TOP1: variants seen among roughly 807,000 people sequenced by gnomAD.
TOP1 encodes DNA topoisomerase I, also known as DNA topoisomerase 1.
TOP1 carries 10 observed loss-of-function variants against 111.1 expected under a neutral mutation model. That is an observed-to-expected ratio of 0.09 (90% CI 0.06 to 0.15). TOP1 has a LOEUF of 0.15. Among genes scored for constraint, TOP1 ranks in the 10% least tolerant of loss-of-function variants. TOP1 has a pLI of 1.00. For missense variants in TOP1, 474 were observed against 926.7 expected, an observed-to-expected ratio of 0.51 and a Z score of 6.34; for synonymous variants, 271 against 302.9, an observed-to-expected ratio of 0.89 and a Z score of 1.10.
chr20:41,118,055 A>C lies in TOP1; in HGVS notation c.1823-114A>C. ...GGGGGCAATTTGAATTAATCATCTGAGTAAGATAAGAGCCAGCAAAATCAT... is the reference window on the plus strand; with the variant it reads ...GGGGGCAATTTGAATTAATCATCTGCGTAAGATAAGAGCCAGCAAAATCAT... On this transcript the variant is annotated intron_variant, in intron 17 of 20. Transcript: ENST00000361337. This position sits in a 1 kb window ranked among gnomAD's most constrained non-coding sequence, Gnocchi z 4.6. 5.1e-6 allele frequency: 6 copies of C among 1,181,916 alleles called. No individual in the cohort carries two copies. The highest frequency in any genetic ancestry group is 7.0e-6 in the Non-Finnish European group (6 of 855,890). The allele number at this position is 1,181,916 out of a possible 1,614,324, so 73.2% of individuals were successfully genotyped here.
chr20:41,118,304 G>T lies in TOP1; in HGVS notation c.1950+8G>T. ...ATGAACTTGCAAACTAAGGTATCTTGGATAAAATGAAGGGAACTGTGTCTG... is the reference window on the plus strand; with the variant it reads ...ATGAACTTGCAAACTAAGGTATCTTTGATAAAATGAAGGGAACTGTGTCTG... On this transcript the variant is annotated splice_region_variant and intron_variant, in intron 18 of 20. Coordinates refer to ENST00000361337, the MANE Select transcript of TOP1 (RefSeq NM_003286.4). The surrounding 1 kb of genome is among the most constrained non-coding windows in gnomAD (Gnocchi z 4.6). The T allele has an allele frequency of 2.5e-6, 4 of 1,613,842 alleles. No homozygotes were observed. Among genetic ancestry groups the T allele is most frequent in the Non-Finnish European group, 3.4e-6 (4 of 1,179,812 alleles).
intron 13 of TOP1, among the ~76,000 whole-genome samples, chr20:41,108,512 A>AT (rs1235851977): frequency 1.3e-5 from 2 of 152,210 alleles, no homozygotes; most frequent in African/African-American, 4.8e-5. Flanking sequence ...CTCAAAGGTC[A>AT]TTGAAAGGAT....
intron 3 of TOP1, 147 bp from the exon 4 acceptor site, chr20:41,076,024 C>A: frequency 1.4e-6 from 1 of 725,494 alleles, no homozygotes; most frequent in Non-Finnish European, 2.2e-6. Flanking sequence ...TCCGATGTAG[C>A]CAAGACCCTC....
chr20:41,073,508 A>G (rs2033691646), intron 3 of TOP1: 1 of 982,828 alleles, frequency 1.0e-6, no homozygotes, highest in Non-Finnish European at 1.2e-6. Context: ...CTAGGACCTT[A>G]TAGCAAGTCT....
rs2033541386 is a variant in TOP1, at chr20:41,061,290, GC to G, written c.59-102del. ...TGGCATGTGCTATTATGCCTACCAT[GC>G]CATTTGAATCCTGTCATTGTACTTC... On this transcript the variant is annotated intron_variant, in intron 2 of 20. Transcript: ENST00000361337. The surrounding 1 kb of genome is among the most constrained non-coding windows in gnomAD (Gnocchi z 4.6). 4.6e-6 allele frequency: 5 copies of G among 1,090,386 alleles called. No individual in the cohort carries two copies. The highest frequency in any genetic ancestry group is 5.3e-6 in the Non-Finnish European group (4 of 748,056). 67.5% of individuals were successfully genotyped at this position (1,090,386 alleles called of 1,614,324 possible).
In TOP1 at chr20:41,071,537, GT is replaced by G. The variant is rs2033669415; in HGVS notation, c.156-4631del. 6.6e-6 allele frequency among the ~76,000 whole-genome samples: 1 copy of G among 151,976 alleles called. No individual in the cohort carries two copies. Among genetic ancestry groups the G allele is most frequent in the Non-Finnish European group, 1.5e-5 (1 of 67,980 alleles). ...TTTTTGTATTTTTAGTAGAAATGGG[GT>G]TTCACTGTGTTGCCCAGGCTGGTCT... On this transcript the variant is annotated intron_variant, in intron 3 of 20. Transcript: ENST00000361337. This position sits in a 1 kb window ranked among gnomAD's most constrained non-coding sequence, Gnocchi z 4.3.
intron 8 of TOP1, among the ~76,000 whole-genome samples, chr20:41,088,196 C>T (rs1444322458): frequency 1.3e-5 from 2 of 152,126 alleles, no homozygotes; most frequent in Non-Finnish European, 2.9e-5. Context: ...AGTTTGGAGT[C>T]TTGATTTAAA....
chr20:41,036,639 G>A (rs1343682016), intron 2 of TOP1, among the ~76,000 whole-genome samples: 2 of 151,962 alleles, frequency 1.3e-5, no homozygotes, highest in Non-Finnish European at 2.9e-5. Context: ...CCCTGTTAAA[G>A]TTTTAAATCT....
At chr20:41,073,474 T>C in intron 3 of TOP1, 3 of 985,256 alleles carry the variant, frequency 3.0e-6, no homozygotes, top group Non-Finnish European at 3.6e-6. Context: ...TTCTAGAAAG[T>C]TTCTCCTCGA....
At chr20:41,051,067 T>G (rs1424474083) in intron 2 of TOP1, among the ~76,000 whole-genome samples, 1 of 152,244 alleles carries the variant, frequency 6.6e-6, no homozygotes, top group Non-Finnish European at 1.5e-5. Flanking sequence ...GTTCTAGTGT[T>G]CACTTTCCTT....
In TOP1 at chr20:41,029,262, G is replaced by T. The variant is rs573637435; in HGVS notation, c.33+162G>T. Among the ~76,000 whole-genome samples, 3 of 152,012 alleles carry T rather than the reference G, an allele frequency of 2.0e-5. No individual in the cohort carries two copies. Among genetic ancestry groups the T allele is most frequent in the East Asian group, 2.0e-4 (1 of 5,116 alleles). ...TAGATCGGCTCGCTAGGCCGCGAGC[G>T]AGGGCCGCGAAGTTACAGTTCGAGG... On this transcript the variant is annotated intron_variant, in intron 1 of 20. Coordinates refer to ENST00000361337, the MANE Select transcript of TOP1 (RefSeq NM_003286.4). The surrounding 1 kb of genome is among the most constrained non-coding windows in gnomAD (Gnocchi z 6.1).
chr20:41,076,751 T>A (rs1304996291), intron 4 of TOP1, among the ~76,000 whole-genome samples: 4 of 152,138 alleles, frequency 2.6e-5, no homozygotes, highest in African/African-American at 7.2e-5. Flanking sequence ...TAAAAAGAGA[T>A]TGTTTTTATT....
intron 2 of TOP1, among the ~76,000 whole-genome samples, chr20:41,039,098 C>T (rs542979078): frequency 9.2e-5 from 14 of 152,206 alleles, no homozygotes; most frequent in African/African-American, 2.6e-4. Flanking sequence ...AAAATTTTCA[C>T]GTTTAATTGT....
chr20:41,116,166 G>A lies in TOP1; in HGVS notation c.1708-112G>A. The A allele has an allele frequency of 3.0e-6, 2 of 660,592 alleles. No individual in the cohort carries two copies. The highest frequency in any genetic ancestry group is 3.7e-5 in the South Asian group (2 of 54,624). 40.9% of individuals were successfully genotyped at this position (660,592 alleles called of 1,614,324 possible). A position where few individuals can be genotyped will look rare whatever the true frequency, so the allele number is the denominator to read the frequency against. On this transcript the variant is annotated intron_variant, in intron 16 of 20. Coordinates refer to ENST00000361337, the MANE Select transcript of TOP1 (RefSeq NM_003286.4). The surrounding 1 kb of genome is among the most constrained non-coding windows in gnomAD (Gnocchi z 5.6). ...CTCTTTCCCTAACTTCCCACTTGTA[G>A]GGCAATAAACTTGACAAGATTGTGA...
In TOP1 at chr20:41,092,731, G is replaced by T. The variant is rs955789798; in HGVS notation, c.730+144G>T. On this transcript the variant is annotated intron_variant, in intron 9 of 20. Transcript: ENST00000361337. This position sits in a 1 kb window ranked among gnomAD's most constrained non-coding sequence, Gnocchi z 4.3. ...ATTGCCATGCAATTTTGAGGAAGGGGCATCAGGTGTTAACTCTTAAAGGCT... is the reference window on the plus strand; with the variant it reads ...ATTGCCATGCAATTTTGAGGAAGGGTCATCAGGTGTTAACTCTTAAAGGCT... 6 of 544,552 alleles carry T rather than the reference G, an allele frequency of 1.1e-5. No homozygotes were observed. The highest frequency in any genetic ancestry group is 1.9e-5 in the Non-Finnish European group (6 of 309,352). 33.7% of individuals were successfully genotyped at this position (544,552 alleles called of 1,614,324 possible).
At chr20:41,084,031 T>G (rs936372199) in intron 7 of TOP1, among the ~76,000 whole-genome samples, 1 of 152,194 alleles carries the variant, frequency 6.6e-6, no homozygotes, top group Non-Finnish European at 1.5e-5. Flanking sequence ...ACTGGGAATT[T>G]TCTTTCATCC....
rs1346301881 is a variant in TOP1, at chr20:41,030,600, G to T, written c.58+1145G>T. 6.6e-6 allele frequency among the ~76,000 whole-genome samples: 1 copy of T among 151,978 alleles called. No homozygotes were observed. The highest frequency in any genetic ancestry group is 1.5e-5 in the Non-Finnish European group (1 of 68,018). ...GTCCTCCAATAAAAAGCTCATCCTT[G>T]CAGGCTTTCGAACAACCCTGTTGAA... is the stretch of plus-strand genomic sequence containing the variant. On this transcript the variant is annotated intron_variant, in intron 2 of 20. Transcript: ENST00000361337. This position sits in a 1 kb window ranked among gnomAD's most constrained non-coding sequence, Gnocchi z 4.1.
rs1473165068 is a variant in TOP1 at position 41,094,200 on chromosome 20, G to A, written c.730+1613G>A. 6.6e-6 allele frequency among the ~76,000 whole-genome samples: 1 copy of A among 152,142 alleles called. No individual in the cohort carries two copies. The highest frequency in any genetic ancestry group is 2.4e-5 in the African/African-American group (1 of 41,444). On this transcript the variant is annotated intron_variant, in intron 9 of 20. Coordinates refer to ENST00000361337, the MANE Select transcript of TOP1 (RefSeq NM_003286.4). The surrounding 1 kb of genome is among the most constrained non-coding windows in gnomAD (Gnocchi z 4.4). ...CTAACAGGACTCCATAATCTCAGAGGCAAATGCTTATGTTATGTAAACATT... is the reference window on the plus strand; with the variant it reads ...CTAACAGGACTCCATAATCTCAGAGACAAATGCTTATGTTATGTAAACATT...
intron 8 of TOP1, among the ~76,000 whole-genome samples, chr20:41,089,310 GCCACCGTGCCCAGCCT>G (rs1423582765): frequency 1.3e-5 from 2 of 152,158 alleles, no homozygotes; most frequent in Non-Finnish European, 2.9e-5. Context: ...ACAGGCGTGA[GCCACCGTGCCCAGCCT>G]ATTCCCCCAG....
Sources: allele counts gnomAD v4.1 joint callset (sites outside exome capture counted in the v4.1 genomes callset), GRCh38; gene constraint gnomAD v4.1.1; non-coding constraint Gnocchi (gnomAD v3.1); transcripts MANE v1.5; gene names NCBI Gene and HGNC (gene_info 2026-07-23, HGNC 2026-07-21).